The following PEBP4 variants were observed in gnomAD, a reference collection of about 807,000 sequenced individuals.
PEBP4 encodes the protein phosphatidylethanolamine binding protein 4.
A neutral mutation model predicts 23.9 loss-of-function variants in PEBP4; 22 were observed. The observed-to-expected ratio is 0.92, with a 90% confidence interval of 0.66 to 1.31. The LOEUF (loss-of-function observed/expected upper bound fraction) is 1.31. Ranked by LOEUF, PEBP4 falls within the 40% of genes most tolerant of loss-of-function variation. The pLI, the probability that PEBP4 is intolerant of heterozygous loss-of-function variation, is 0.00. For synonymous variants in PEBP4, 112 were observed against 99.3 expected, an observed-to-expected ratio of 1.13 and a Z score of -0.76; for missense variants, 324 against 281.7, an observed-to-expected ratio of 1.15 and a Z score of -1.07.
At chr8:22,889,674 GTGCAGAAATATGTTTTTATA>G (rs1808452891) in intron 3 of PEBP4, among the ~76,000 whole-genome samples, 1 of 8,304 alleles carries the variant, frequency 1.2e-4, no homozygotes, top group Non-Finnish European at 7.1e-4. Flanking sequence ...TTTTTATAAA[GTGCAGAAATATGTTTTTATA>G]AAGTGCAGAA....
At chr8:22,914,871 A>G (rs17757261) in intron 3 of PEBP4, among the ~76,000 whole-genome samples, 28,231 of 151,960 alleles carry the variant, frequency 0.19, 2,772 homozygotes, top group East Asian at 0.25. Flanking sequence ...TGGTGAAGGC[A>G]CCGTTATTAG....
intron 4 of PEBP4, among the ~76,000 whole-genome samples, chr8:22,758,991 CA>C (rs1805447663): frequency 6.8e-6 from 1 of 148,040 alleles, no homozygotes; most frequent in Non-Finnish European, 1.5e-5. Flanking sequence ...AGGGGAGGAC[CA>C]TCTGCAGGGA....
chr8:22,908,958 TG>T (rs1808875920), intron 3 of PEBP4, among the ~76,000 whole-genome samples: 1 of 152,166 alleles, frequency 6.6e-6, no homozygotes, highest in Non-Finnish European at 1.5e-5. Context: ...TGCATTTTAA[TG>T]GCAGAAGGGC....
chr8:22,903,143 C>T (rs79520749), intron 3 of PEBP4, among the ~76,000 whole-genome samples: 2 of 152,106 alleles, frequency 1.3e-5, no homozygotes, highest in East Asian at 1.9e-4. Context: ...CCCCGGAAAC[C>T]GCGAAATGTT....
chr8:22,904,670 A>C (rs1296504415), intron 3 of PEBP4, among the ~76,000 whole-genome samples: 1 of 152,218 alleles, frequency 6.6e-6, no homozygotes, highest in Non-Finnish European at 1.5e-5. Flanking sequence ...CCGTTCGCCT[A>C]GTTTTTTATT....
At chr8:22,807,782 A>G (rs1806529471) in intron 4 of PEBP4, among the ~76,000 whole-genome samples, 1 of 151,898 alleles carries the variant, frequency 6.6e-6, no homozygotes, top group Non-Finnish European at 1.5e-5. Context: ...CTGTCCACCT[A>G]CCAAACCTCC....
chr8:22,768,624 G>T (rs910870662), intron 4 of PEBP4, among the ~76,000 whole-genome samples: 3 of 152,084 alleles, frequency 2.0e-5, no homozygotes, highest in African/African-American at 7.2e-5. Flanking sequence ...CTCGGGTGGG[G>T]CCTCGGCCCA....
intron 3 of PEBP4, among the ~76,000 whole-genome samples, chr8:22,868,777 G>C (rs779235812): frequency 6.6e-6 from 1 of 152,050 alleles, no homozygotes; most frequent in African/African-American, 2.4e-5. Context: ...ACGTCTCACC[G>C]ACTTCACCTC....
intron 4 of PEBP4, among the ~76,000 whole-genome samples, chr8:22,728,454 C>T (rs1204105283): frequency 6.6e-6 from 1 of 152,020 alleles, no homozygotes; most frequent in African/African-American, 2.4e-5. Flanking sequence ...CCCACGAGCC[C>T]CTTGTACTTT....
chr8:22,935,364 T>C (rs1460697584), intron 1 of PEBP4, among the ~76,000 whole-genome samples: 3 of 151,658 alleles, frequency 2.0e-5, no homozygotes, highest in African/African-American at 7.3e-5. Context: ...CTACTAAAAA[T>C]ACAAAAATTA....
At chr8:22,881,831 C>G (rs915613748) in intron 3 of PEBP4, among the ~76,000 whole-genome samples, 1 of 152,216 alleles carries the variant, frequency 6.6e-6, no homozygotes, top group African/African-American at 2.4e-5. Context: ...TGGCCGTGAG[C>G]AGGTGGGGAC....
intron 4 of PEBP4, among the ~76,000 whole-genome samples, chr8:22,801,821 C>A (rs1279210031): frequency 6.6e-6 from 1 of 152,040 alleles, no homozygotes; most frequent in Non-Finnish European, 1.5e-5. Context: ...TCCCTCCTAC[C>A]CTATATGTGC....
chr8:22,917,596 T>C (rs1585343138), intron 3 of PEBP4, among the ~76,000 whole-genome samples: 1 of 152,168 alleles, frequency 6.6e-6, no homozygotes, highest in African/African-American at 2.4e-5. Context: ...CTTTCAGCTC[T>C]GTACTTGGCC....
In PEBP4 at chr8:22,843,338, T is replaced by C. The variant is rs1336933999; in HGVS notation, c.259-25603A>G. Reference sequence around the variant, plus strand: ...CTGGTTAGCAACTACTCAGTTGATCTAATAGTGGAGGGGCCAGAGAAGGGC... The same window carrying C: ...CTGGTTAGCAACTACTCAGTTGATCCAATAGTGGAGGGGCCAGAGAAGGGC... On this transcript the variant is annotated intron_variant, in intron 3 of 6. Transcript: ENST00000256404. 2.6e-5 allele frequency among the ~76,000 whole-genome samples: 4 copies of C among 152,188 alleles called. No homozygotes were observed. The East Asian group carries it at 5.8e-4, about 22-fold the overall frequency.
At chr8:22,930,132 C>A (rs984701734), upstream of PEBP4, among the ~76,000 whole-genome samples, 1 of 152,164 alleles carries the variant, frequency 6.6e-6, no homozygotes, top group African/African-American at 2.4e-5. Context: ...GACCACAATA[C>A]CCTGCGAGAT....
At chr8:22,824,143 C>T (rs1034662173) in intron 3 of PEBP4, among the ~76,000 whole-genome samples, 24 of 152,070 alleles carry the variant, frequency 1.6e-4, no homozygotes, top group African/African-American at 5.1e-4. Flanking sequence ...AAATGCTGAC[C>T]GATGATCTCT....
intron 3 of PEBP4, chr8:22,884,824 G>C (rs1808341714): frequency 6.6e-6 from 1 of 152,054 alleles, no homozygotes. Flanking sequence ...TCCTGGTCTG[G>C]GATCTGTCTT....
chr8:22,908,077 T>G (rs1431645135), intron 3 of PEBP4, among the ~76,000 whole-genome samples: 3 of 150,856 alleles, frequency 2.0e-5, no homozygotes, highest in Non-Finnish European at 4.4e-5. Context: ...AAGACTGAAG[T>G]TGCTCTTGAC....
At chr8:22,920,535 T>A (rs1224229102) in intron 2 of PEBP4, among the ~76,000 whole-genome samples, 1 of 152,198 alleles carries the variant, frequency 6.6e-6, no homozygotes, top group East Asian at 1.9e-4. Flanking sequence ...GGAGTCAGTG[T>A]GAGAAGAAAA....
Sources: gnomAD v4.1 joint callset for allele counts (sites outside exome capture counted in the v4.1 genomes callset) on GRCh38, gnomAD v4.1.1 for gene constraint, MANE v1.5 for transcripts, NCBI Gene and HGNC (gene_info 2026-07-23, HGNC 2026-07-21) for gene names.